The following SMYD3 variants were observed in gnomAD, a reference collection of about 807,000 sequenced individuals.
SMYD3 encodes the protein SET and MYND domain containing 3, also known as histone-lysine N-methyltransferase SMYD3.
A neutral mutation model predicts 57.7 loss-of-function variants in SMYD3; 36 were observed. The ratio of observed to expected loss-of-function variants is 0.62; its 90% confidence interval spans 0.48 to 0.82. The LOEUF (loss-of-function observed/expected upper bound fraction) is 0.82. Among genes scored for constraint, SMYD3 ranks in the 40% least tolerant of loss-of-function variants. The probability of loss-of-function intolerance (pLI) is 0.00; values close to 1 mark genes in which losing one functional copy is unlikely to be tolerated. For synonymous variants in SMYD3, 211 were observed against 195.0 expected (o/e 1.08, Z -0.68); for missense variants, 515 against 538.8 (o/e 0.96, Z 0.44).
chr1:246,014,937 C>T (rs2059351268), intron 5 of SMYD3, among the ~76,000 whole-genome samples: 1 of 152,156 alleles, frequency 6.6e-6, no homozygotes, highest in African/African-American at 2.4e-5. Flanking sequence ...TGGCTCTTTC[C>T]CTGCGTCTTC....
intron 1 of SMYD3, among the ~76,000 whole-genome samples, chr1:246,491,549 A>G (rs930727858): frequency 7.3e-5 from 11 of 149,924 alleles, no homozygotes; most frequent in Non-Finnish European, 1.6e-4. Flanking sequence ...TCAAATAAAA[A>G]AAAAAAAAAA....
At chr1:246,021,866 A>G (rs12135913) in intron 5 of SMYD3, among the ~76,000 whole-genome samples, 11,039 of 152,288 alleles carry the variant, frequency 0.072, 527 homozygotes, top group African/African-American at 0.14. Flanking sequence ...AGCATAGGAT[A>G]TCAGCAGCTC....
chr1:245,844,075 C>G (rs1316345119), intron 10 of SMYD3, among the ~76,000 whole-genome samples: 1 of 152,126 alleles, frequency 6.6e-6, no homozygotes, highest in Non-Finnish European at 1.5e-5. Flanking sequence ...TTCCAAGTAA[C>G]AAGTCCTAGT....
intron 1 of SMYD3, among the ~76,000 whole-genome samples, chr1:246,394,097 T>C (rs1251221518): frequency 6.6e-6 from 1 of 152,194 alleles, no homozygotes; most frequent in African/African-American, 2.4e-5. Context: ...CTGTTATCCT[T>C]ATGTCCTTCA....
At chr1:246,295,252 T>C (rs1265321453) in intron 5 of SMYD3, among the ~76,000 whole-genome samples, 1 of 152,136 alleles carries the variant, frequency 6.6e-6, no homozygotes, top group Admixed American at 6.5e-5. Context: ...TGATTCTCTT[T>C]ACTTAGTATC....
At chr1:246,099,835 T>C (rs1392564383) in intron 5 of SMYD3, among the ~76,000 whole-genome samples, 3 of 152,192 alleles carry the variant, frequency 2.0e-5, no homozygotes, top group Admixed American at 6.5e-5. Context: ...AAGCCAGTCT[T>C]TTCTGATTAA....
At chr1:246,480,157 A>C (rs1380403227) in intron 1 of SMYD3, among the ~76,000 whole-genome samples, 5 of 152,192 alleles carry the variant, frequency 3.3e-5, no homozygotes. Flanking sequence ...GTACAATGCA[A>C]CCATTTTACA....
intron 10 of SMYD3, among the ~76,000 whole-genome samples, chr1:245,806,382 G>A (rs1344430626): frequency 6.6e-6 from 1 of 152,146 alleles, no homozygotes; most frequent in Non-Finnish European, 1.5e-5. Context: ...AACGCTGTGA[G>A]GTAGGTACTG....
At chr1:245,928,838 C>G (rs184736561) in intron 6 of SMYD3, among the ~76,000 whole-genome samples, 1 of 152,282 alleles carries the variant, frequency 6.6e-6, no homozygotes, top group East Asian at 1.9e-4. Context: ...AGAGAGCTGA[C>G]GTTATTTTGC....
chr1:246,038,820 G>A (rs777534828), intron 5 of SMYD3, among the ~76,000 whole-genome samples: 36 of 152,114 alleles, frequency 2.4e-4, no homozygotes, highest in Non-Finnish European at 5.0e-4. Context: ...AGTTTGTAAT[G>A]AATTTAGTTT....
chr1:245,872,835 TC>T (rs1440351452), intron 8 of SMYD3, among the ~76,000 whole-genome samples: 2 of 152,210 alleles, frequency 1.3e-5, no homozygotes, highest in Non-Finnish European at 2.9e-5. Context: ...AAGGGGATAT[TC>T]CCTTCATAGC....
chr1:246,018,145 T>C (rs2059409392), intron 5 of SMYD3, among the ~76,000 whole-genome samples: 1 of 152,162 alleles, frequency 6.6e-6, no homozygotes, highest in Admixed American at 6.5e-5. Flanking sequence ...GAAATATACG[T>C]ATGTGGAACA....
intron 11 of SMYD3, among the ~76,000 whole-genome samples, chr1:245,761,824 C>T (rs1465071137): frequency 7.5e-6 from 1 of 133,784 alleles, no homozygotes; most frequent in African/African-American, 3.0e-5. Flanking sequence ...CTCACTCTGT[C>T]GCCCAGGCTG....
At chr1:246,142,696 T>C (rs1282359114) in intron 5 of SMYD3, among the ~76,000 whole-genome samples, 1 of 152,216 alleles carries the variant, frequency 6.6e-6, no homozygotes, top group Non-Finnish European at 1.5e-5. Context: ...ATTTTCCATG[T>C]AATATTTTTA....
At chr1:246,187,182 G>C (rs188680566) in intron 5 of SMYD3, among the ~76,000 whole-genome samples, 1 of 152,142 alleles carries the variant, frequency 6.6e-6, no homozygotes, top group East Asian at 1.9e-4. Flanking sequence ...CCAGCTACTC[G>C]GGAGGCTGAG....
intron 1 of SMYD3, among the ~76,000 whole-genome samples, chr1:246,440,467 T>G (rs1303787232): frequency 6.6e-6 from 1 of 152,176 alleles, no homozygotes; most frequent in African/African-American, 2.4e-5. Context: ...CCTATCAATA[T>G]CTAATGATAT....
At chr1:246,264,294 T>C (rs2064064835) in intron 5 of SMYD3, among the ~76,000 whole-genome samples, 1 of 152,092 alleles carries the variant, frequency 6.6e-6, no homozygotes, top group South Asian at 2.1e-4. Context: ...TCAAAGCAAG[T>C]AGTAGTAAAA....
At chr1:245,858,764 A>G in intron 9 of SMYD3, 94 bp from the exon 10 acceptor site, 1 of 1,342,564 alleles carries the variant, frequency 7.4e-7, no homozygotes, top group Non-Finnish European at 1.0e-6. Context: ...TCCCAAGCAC[A>G]GGAGCGAGGG....
chr1:246,216,286 C>CAA (rs761129685), intron 5 of SMYD3, among the ~76,000 whole-genome samples: 7 of 125,658 alleles, frequency 5.6e-5, no homozygotes, highest in Admixed American at 8.2e-5. Context: ...GACTCCATTT[C>CAA]AAAAAAAAAA....
Sources: gnomAD v4.1 joint callset for allele counts (sites outside exome capture counted in the v4.1 genomes callset) on GRCh38, gnomAD v4.1.1 for gene constraint, MANE v1.5 for transcripts, NCBI Gene and HGNC (gene_info 2026-07-23, HGNC 2026-07-21) for gene names.